Variants in KALRN observed in about 807,000 individuals in gnomAD.
KALRN encodes the protein kalirin RhoGEF kinase.
In KALRN, 70 loss-of-function variants were observed where a neutral mutation model predicts 353.7. The observed-to-expected ratio is 0.20, with a 90% CI of 0.16 to 0.24. KALRN has a LOEUF of 0.24. Ranked by LOEUF, KALRN falls within the 10% of genes least tolerant of loss-of-function variation. The probability of loss-of-function intolerance (pLI) is 1.00; values close to 1 mark genes in which losing one functional copy is unlikely to be tolerated. For synonymous variants in KALRN, 1,391 were observed against 1,434.8 expected, an observed-to-expected ratio of 0.97 and a Z score of 0.69; for missense variants, 2,791 against 3,756.7, an observed-to-expected ratio of 0.74 and a Z score of 6.72.
At chr3:124,139,602 A>G (rs2066371264) in intron 1 of KALRN, among the ~76,000 whole-genome samples, 1 of 152,180 alleles carries the variant, frequency 6.6e-6, no homozygotes, top group Admixed American at 6.5e-5. Flanking sequence ...GCCTTAGGGC[A>G]CAGTGAGAGG....
chr3:124,642,742 A>G (rs1302519647), intron 37 of KALRN, among the ~76,000 whole-genome samples: 2 of 146,486 alleles, frequency 1.4e-5, no homozygotes, highest in African/African-American at 2.5e-5. Flanking sequence ...TCCATTGCAG[A>G]GGTGTATGTT....
At chr3:124,044,013 A>G (rs1427631412) in intron 1 of KALRN, among the ~76,000 whole-genome samples, 1 of 152,094 alleles carries the variant, frequency 6.6e-6, no homozygotes, top group Non-Finnish European at 1.5e-5. Context: ...ATGAATTTCC[A>G]GTTTCCGTAG....
intron 34 of KALRN, chr3:124,584,729 C>A: frequency 6.7e-7 from 1 of 1,501,944 alleles, no homozygotes; most frequent in South Asian, 1.3e-5. Context: ...GGAGCCGGCT[C>A]TCGGGCGGCG....
At chr3:124,148,542 G>A (rs2067669862) in intron 1 of KALRN, among the ~76,000 whole-genome samples, 1 of 152,162 alleles carries the variant, frequency 6.6e-6, no homozygotes, top group Admixed American at 6.5e-5. Flanking sequence ...TTTCTTTCAG[G>A]CAGCATTTGG....
chr3:124,310,108 T>C (rs998312686), intron 6 of KALRN, among the ~76,000 whole-genome samples: 3 of 152,084 alleles, frequency 2.0e-5, no homozygotes, highest in South Asian at 2.1e-4. Context: ...TAATTGTCTT[T>C]CCATGCACTT....
chr3:124,419,263 A>T (rs1160520982), intron 14 of KALRN, among the ~76,000 whole-genome samples: 1 of 151,252 alleles, frequency 6.6e-6, no homozygotes, highest in Non-Finnish European at 1.5e-5. Context: ...AAGTGTATTC[A>T]TTATAATTTC....
intron 34 of KALRN, among the ~76,000 whole-genome samples, chr3:124,574,936 C>T (rs2073936881): frequency 6.6e-6 from 1 of 152,192 alleles, no homozygotes; most frequent in East Asian, 1.9e-4. Flanking sequence ...GCAGTCAGCA[C>T]CCTCCTCTCA....
chr3:124,167,962 C>A (rs1433763514), intron 1 of KALRN, among the ~76,000 whole-genome samples: 3 of 152,182 alleles, frequency 2.0e-5, no homozygotes, highest in Admixed American at 2.0e-4. Flanking sequence ...TGCACCCCTG[C>A]CCTCAGATGA....
chr3:124,543,459 G>A (rs1018807755), intron 33 of KALRN, among the ~76,000 whole-genome samples: 1 of 151,700 alleles, frequency 6.6e-6, no homozygotes, highest in Non-Finnish European at 1.5e-5. Flanking sequence ...CCATCACCAC[G>A]CCCAGCTAAT....
rs574842216 is a variant in KALRN at position 124,317,609 on chromosome 3, C to A, written c.1093-8371C>A. 4.0e-5 allele frequency among the ~76,000 whole-genome samples: 6 copies of A among 150,580 alleles called. No individual in the cohort carries two copies. The East Asian group carries it at 1.2e-3, about 30-fold the overall frequency. On this transcript the variant is annotated intron_variant, in intron 6 of 59. Transcript: ENST00000682506. Reference sequence around the variant, plus strand: ...AACCTGGGACAATCTTGTTAAAATGCAGATTCTGATTCAGAAAGTTGGGGA... The same window carrying A: ...AACCTGGGACAATCTTGTTAAAATGAAGATTCTGATTCAGAAAGTTGGGGA...
intron 33 of KALRN, among the ~76,000 whole-genome samples, chr3:124,542,913 C>T (rs1313622459): frequency 2.0e-5 from 3 of 152,090 alleles, no homozygotes; most frequent in Non-Finnish European, 4.4e-5. Flanking sequence ...TGTTTCTGGC[C>T]CAGGGTTTCT....
At chr3:124,368,324 A>T (rs2085285254) in intron 10 of KALRN, among the ~76,000 whole-genome samples, 1 of 146,884 alleles carries the variant, frequency 6.8e-6, no homozygotes, top group Non-Finnish European at 1.5e-5. Flanking sequence ...TGCCGGGCGG[A>T]GGGGCTCCTC....
intron 42 of KALRN, 92 bp downstream of exon 42, chr3:124,658,609 T>C (rs2084399588): frequency 2.2e-6 from 2 of 925,454 alleles, no homozygotes; most frequent in Middle Eastern, 4.2e-4. Context: ...TCCATCCATA[T>C]GTGACCCCCA....
chr3:124,368,864 G>C (rs927421477), intron 10 of KALRN, among the ~76,000 whole-genome samples: 4 of 152,228 alleles, frequency 2.6e-5, no homozygotes, highest in Non-Finnish European at 2.9e-5. Context: ...GCTGGAGACC[G>C]GCCGGCCAAC....
At chr3:124,288,719 G>C (rs2076164862) in intron 5 of KALRN, among the ~76,000 whole-genome samples, 1 of 152,174 alleles carries the variant, frequency 6.6e-6, no homozygotes. Context: ...AATGGAGTAA[G>C]GGGGCCAAAT....
At chr3:124,247,455 T>TAATAATTGCCAGC (rs11273442) in intron 3 of KALRN, among the ~76,000 whole-genome samples, 1 of 151,928 alleles carries the variant, frequency 6.6e-6, no homozygotes, top group Non-Finnish European at 1.5e-5. Context: ...ACCTGCTATG[T>TAATAATTGCCAGC]TGAAACTGGG....
At chr3:124,536,001 CA>C (rs2068476412) in intron 33 of KALRN, among the ~76,000 whole-genome samples, 3 of 152,072 alleles carry the variant, frequency 2.0e-5, no homozygotes, top group Admixed American at 6.6e-5. Context: ...ACCATTGCAA[CA>C]AACACTAAGA....
At chr3:124,461,107 T>C (rs573741521) in intron 23 of KALRN, among the ~76,000 whole-genome samples, 24 of 152,358 alleles carry the variant, frequency 1.6e-4, no homozygotes, top group Admixed American at 1.2e-3. Context: ...CTATTTCATA[T>C]GGTCTATAAA....
chr3:124,458,275 CAAAAA>C (rs35854921), intron 23 of KALRN, among the ~76,000 whole-genome samples: 3 of 83,138 alleles, frequency 3.6e-5, no homozygotes, highest in African/African-American at 9.9e-5. Context: ...GACTCTGTCT[CAAAAA>C]AAAAAAAAAA....
Sources: allele counts gnomAD v4.1 joint callset (sites outside exome capture counted in the v4.1 genomes callset), GRCh38; gene constraint gnomAD v4.1.1; transcripts MANE v1.5; gene names NCBI Gene and HGNC (gene_info 2026-07-23, HGNC 2026-07-21).